Variants in DOCK5 observed in about 807,000 individuals in gnomAD.
DOCK5 encodes the protein dedicator of cytokinesis protein 5.
In DOCK5, 142 loss-of-function variants were observed where a neutral mutation model predicts 251.8. The observed-to-expected ratio is 0.56, with a 90% CI of 0.49 to 0.65. The LOEUF (loss-of-function observed/expected upper bound fraction) is 0.65. Among genes scored for constraint, DOCK5 ranks in the 30% least tolerant of loss-of-function variants. The pLI is 0.00. For missense variants in DOCK5, 2,111 were observed against 2,312.3 expected (o/e 0.91, Z 1.79); for synonymous variants, 842 against 835.5 (o/e 1.01, Z -0.13).
At chr8:25,198,002 G>A (rs565151771) in intron 1 of DOCK5, among the ~76,000 whole-genome samples, 11 of 152,140 alleles carry the variant, frequency 7.2e-5, no homozygotes, top group Non-Finnish European at 1.0e-4. Flanking sequence ...CGCCTGCGTC[G>A]GCCTCCCAAA....
chr8:25,203,174 A>G (rs1801920439), intron 1 of DOCK5, among the ~76,000 whole-genome samples: 1 of 152,236 alleles, frequency 6.6e-6, no homozygotes, highest in South Asian at 2.1e-4. Context: ...GAATCCACTG[A>G]TGACAGAATC....
chr8:25,352,820 G>A (rs1800494155), intron 27 of DOCK5, among the ~76,000 whole-genome samples: 1 of 152,016 alleles, frequency 6.6e-6, no homozygotes, highest in Non-Finnish European at 1.5e-5. Context: ...GAGGCAACAG[G>A]GGCTAGAGAG....
intron 13 of DOCK5, among the ~76,000 whole-genome samples, chr8:25,313,584 A>G (rs1805155964): frequency 1.3e-5 from 2 of 152,218 alleles, no homozygotes; most frequent in Admixed American, 6.5e-5. Flanking sequence ...TTGGGCTGCC[A>G]TAGCAAAATA....
intron 14 of DOCK5, among the ~76,000 whole-genome samples, chr8:25,318,874 CATGGATGTTATA>C (rs1805343158): frequency 6.6e-6 from 1 of 152,086 alleles, no homozygotes; most frequent in Non-Finnish European, 1.5e-5. Context: ...CATCACTTGC[CATGGATGTTATA>C]ATCTATTAAG....
chr8:25,196,344 G>A (rs950448512), intron 1 of DOCK5, among the ~76,000 whole-genome samples: 3 of 152,108 alleles, frequency 2.0e-5, no homozygotes, highest in East Asian at 1.9e-4. Context: ...GAAAGAAGGC[G>A]CAGTCTCATG....
At chr8:25,365,749 T>C (rs2117275081) in intron 30 of DOCK5, among the ~76,000 whole-genome samples, 1 of 152,264 alleles carries the variant, frequency 6.6e-6, no homozygotes, top group East Asian at 1.9e-4. Context: ...TACTTGGGTG[T>C]GGAGAGGTGG....
intron 1 of DOCK5, among the ~76,000 whole-genome samples, chr8:25,234,931 C>T (rs564254891): frequency 2.6e-5 from 4 of 152,212 alleles, no homozygotes; most frequent in South Asian, 4.1e-4. Context: ...TTTCATTGAC[C>T]GACTCCCACT....
chr8:25,225,054 C>T (rs1802494924), intron 1 of DOCK5, among the ~76,000 whole-genome samples: 1 of 152,194 alleles, frequency 6.6e-6, no homozygotes, highest in African/African-American at 2.4e-5. Flanking sequence ...ACCTCACATC[C>T]ATTAGAATGG....
chr8:25,407,886 A>G, intron 48 of DOCK5, 97 bp from the exon 49 acceptor site: 2 of 843,862 alleles, frequency 2.4e-6, no homozygotes, highest in South Asian at 5.0e-5. Context: ...AAAAAAAAAA[A>G]TAGCCTAAAG....
intron 1 of DOCK5, among the ~76,000 whole-genome samples, chr8:25,237,852 TA>T (rs952231953): frequency 1.3e-5 from 2 of 152,198 alleles, no homozygotes; most frequent in African/African-American, 4.8e-5. Context: ...GAGGGCTCTT[TA>T]AAGGCAATCC....
chr8:25,391,201 GT>G (rs374312754), intron 42 of DOCK5, among the ~76,000 whole-genome samples: 13,682 of 139,600 alleles, frequency 0.098, 1,005 homozygotes, highest in East Asian at 0.19. Flanking sequence ...CCACACCTGT[GT>G]GTGTGTGTGT....
intron 7 of DOCK5, among the ~76,000 whole-genome samples, chr8:25,298,517 A>C (rs1176321185): frequency 1.3e-5 from 2 of 152,144 alleles, no homozygotes. Context: ...TGCTCACTGC[A>C]TTTGTCCACT....
intron 3 of DOCK5, 148 bp from the exon 4 acceptor site, chr8:25,275,238 A>G (rs546581600): frequency 2.0e-4 from 113 of 575,910 alleles, no homozygotes; most frequent in African/African-American, 1.9e-3. Flanking sequence ...TAGCCAGTCA[A>G]CGTAAGTGGT....
chr8:25,272,011 A>G (rs188397101), intron 3 of DOCK5, among the ~76,000 whole-genome samples: 1 of 152,370 alleles, frequency 6.6e-6, no homozygotes, highest in Admixed American at 6.5e-5. Context: ...TATAACTAAT[A>G]CATACATACA....
At chr8:25,238,961 T>C (rs1802870819) in intron 1 of DOCK5, among the ~76,000 whole-genome samples, 1 of 152,208 alleles carries the variant, frequency 6.6e-6, no homozygotes, top group African/African-American at 2.4e-5. Flanking sequence ...TACACAAGAT[T>C]GTCTATGATT....
chr8:25,281,232 GCCCGTCCCAAT>G (rs1792652523), intron 5 of DOCK5, among the ~76,000 whole-genome samples: 1 of 151,352 alleles, frequency 6.6e-6, no homozygotes, highest in South Asian at 2.1e-4. Context: ...TTCAAAACCA[GCCCGTCCCAAT>G]ATGGTAAAAC....
intron 38 of DOCK5, among the ~76,000 whole-genome samples, chr8:25,379,818 T>C (rs1391910357): frequency 6.6e-6 from 1 of 151,136 alleles, no homozygotes; most frequent in East Asian, 2.0e-4. Flanking sequence ...TGTTAGCCTT[T>C]TTCCATCTCC....
At chr8:25,296,366 T>G in intron 6 of DOCK5, 147 bp from the exon 7 acceptor site, 2 of 1,013,144 alleles carry the variant, frequency 2.0e-6, no homozygotes, top group African/African-American at 1.6e-5. Context: ...GAAACTGAAA[T>G]GAGAAAAGTC....
Position 25,319,665 on chromosome 8 carries a change from G to C in DOCK5, c.1531G>C (p.Glu511Gln). The change falls in exon 15 of 52, where the codon GAG (glutamate) becomes CAG (glutamine). Residue 511 changes from glutamate (E) to glutamine (Q), a missense_variant. Transcript: ENST00000276440. ...YYQVKQPCWYETVKVSIAIEE... is the reference protein window; with the variant it reads ...YYQVKQPCWYQTVKVSIAIEE... Reference sequence around the variant, plus strand: ...CCAAGTCAAGCAGCCCTGTTGGTATGAGACTGTCAAGGTGAGAATGAGTCA... The same window carrying C: ...CCAAGTCAAGCAGCCCTGTTGGTATCAGACTGTCAAGGTGAGAATGAGTCA... The C allele has an allele frequency of 6.3e-7, 1 of 1,582,164 alleles. No individual in the cohort carries two copies. Among genetic ancestry groups the C allele is most frequent in the Admixed American group, 1.8e-5 (1 of 55,616 alleles).
Sources: allele counts gnomAD v4.1 joint callset (sites outside exome capture counted in the v4.1 genomes callset), GRCh38; gene constraint gnomAD v4.1.1; transcripts MANE v1.5; gene names NCBI Gene and HGNC (gene_info 2026-07-23, HGNC 2026-07-21).